Variants in TTC1 observed in about 807,000 individuals in gnomAD.
TTC1 encodes the protein tetratricopeptide repeat protein 1.
In TTC1, 31 loss-of-function variants were observed where a neutral mutation model predicts 37.6. That is an observed-to-expected ratio of 0.82 (90% CI 0.62 to 1.11). The LOEUF is 1.11. Ranked by LOEUF, TTC1 falls within the 50% of genes most tolerant of loss-of-function variation. The probability of loss-of-function intolerance (pLI) is 0.00; values close to 1 mark genes in which losing one functional copy is unlikely to be tolerated. For missense variants in TTC1, 351 were observed against 339.0 expected (o/e 1.04, Z -0.28); for synonymous variants, 127 against 122.4 (o/e 1.04, Z -0.25).
At chr5:160,013,156 G>C (rs1052479258) in intron 2 of TTC1, among the ~76,000 whole-genome samples, 5 of 152,158 alleles carry the variant, frequency 3.3e-5, no homozygotes, top group African/African-American at 1.2e-4. Flanking sequence ...GTAAGCCACT[G>C]ACTCTACTTT....
At chr5:160,010,156 G>A (rs1301982676) in intron 1 of TTC1, among the ~76,000 whole-genome samples, 1 of 151,754 alleles carries the variant, frequency 6.6e-6, no homozygotes, top group Non-Finnish European at 1.5e-5. Flanking sequence ...TACTCGGGAG[G>A]CTGAGGCAGG....
In TTC1 at chr5:160,058,473, C is replaced by T. The variant is rs376182788; in HGVS notation, c.746-6459C>T. Among the ~76,000 whole-genome samples, 21 of 144,098 alleles carry T rather than the reference C, an allele frequency of 1.5e-4. No homozygotes were observed. The South Asian group carries it at 2.6e-3, about 18-fold the overall frequency. The allele number at this position is 144,098 out of a possible 152,430, so 94.5% of individuals were successfully genotyped here. ...TCGCCCAGGCTGGAGTGCAGTGGTGCGATCTCGGCTCAGTGCAAGCTCCGC... is the reference window on the plus strand; with the variant it reads ...TCGCCCAGGCTGGAGTGCAGTGGTGTGATCTCGGCTCAGTGCAAGCTCCGC... On this transcript the variant is annotated intron_variant, in intron 7 of 7. Transcript: ENST00000231238.
chr5:160,011,187 G>C (rs73307364), intron 2 of TTC1, among the ~76,000 whole-genome samples: 2 of 151,896 alleles, frequency 1.3e-5, no homozygotes, highest in Non-Finnish European at 2.9e-5. Flanking sequence ...ACTTTTCTAC[G>C]GTTGGCTGCT....
At position 160,010,712 on chromosome 5, in the gene TTC1, T is replaced by C; in HGVS notation, c.184T>C (p.Cys62Arg). 1 of 1,613,034 alleles carries C rather than the reference T, an allele frequency of 6.2e-7. No individual in the cohort carries two copies. The highest frequency in any genetic ancestry group is 8.5e-7 in the Non-Finnish European group (1 of 1,179,654). ...CCAGGAGGACCAGGGAGAAGAGGAG[T>C]GTTTTCATGACTGCAGTGCCTCATT... ...HLQEDQGEEECFHDCSASFEE... is the reference protein window; with the variant it reads ...HLQEDQGEEERFHDCSASFEE... Residue 62 changes from cysteine to arginine, a missense_variant, in exon 2 of 8, where the codon TGT (cysteine) becomes CGT (arginine). Coordinates refer to ENST00000231238, the MANE Select transcript of TTC1 (RefSeq NM_003314.3).
chr5:160,051,084 T>A, intron 6 of TTC1, 45 bp from the exon 7 acceptor site: 2 of 375,562 alleles, frequency 5.3e-6, no homozygotes, highest in Admixed American at 4.0e-4. Context: ...AGGTTTTGGT[T>A]TTTTTTTTTT....
chr5:160,061,361 G>A lies in TTC1; in HGVS notation c.746-3571G>A, dbSNP rs961348046. On this transcript the variant is annotated intron_variant, in intron 7 of 7. Transcript: ENST00000231238. ...AATCTTCCCCTTCCTGACTCTCGTAGCATTTTATAACTCAGCTACATATGA... is the reference window on the plus strand; with the variant it reads ...AATCTTCCCCTTCCTGACTCTCGTAACATTTTATAACTCAGCTACATATGA... 4.6e-5 allele frequency among the ~76,000 whole-genome samples: 7 copies of A among 152,178 alleles called. No homozygotes were observed. The East Asian group carries it at 1.3e-3, about 29-fold the overall frequency.
At position 160,048,126 on chromosome 5, in the gene TTC1, C is replaced by CTTTTTTTT. The variant is rs56201199; in HGVS notation, c.542-1359_542-1352dup. ...AAAAAGTTCTAGAGCCAAGACATTG[C>CTTTTTTTT]TTTTTTTTTTTTTTTTTTTTTTTTT... is the stretch of plus-strand genomic sequence containing the variant. On this transcript the variant is annotated intron_variant, in intron 5 of 7. Coordinates refer to ENST00000231238, the MANE Select transcript of TTC1 (RefSeq NM_003314.3). 1.4e-4 allele frequency among the ~76,000 whole-genome samples: 5 copies of CTTTTTTTT among 35,568 alleles called. 1 individual carries two copies. Among genetic ancestry groups the CTTTTTTTT allele is most frequent in the African/African-American group, 3.7e-4 (3 of 8,210 alleles). 23.3% of individuals were successfully genotyped at this position (35,568 alleles called of 152,430 possible). A position where few individuals can be genotyped will look rare whatever the true frequency, so the allele number is the denominator to read the frequency against.
intron 2 of TTC1, among the ~76,000 whole-genome samples, chr5:160,028,358 C>T (rs1391298495): frequency 2.7e-5 from 4 of 148,986 alleles, no homozygotes; most frequent in Non-Finnish European, 4.5e-5. Context: ...TTCTGTTCTT[C>T]TCTTTCTTCC....
Position 160,051,157 on chromosome 5 carries a change from A to T in TTC1, c.719A>T (p.Asn240Ile). 1 of 1,610,296 alleles carries T rather than the reference A, an allele frequency of 6.2e-7. No homozygotes were observed. The highest frequency in any genetic ancestry group is 8.5e-7 in the Non-Finnish European group (1 of 1,178,166). The change falls in exon 7 of 8, where the codon AAT (asparagine) becomes ATT (isoleucine). Residue 240 changes from asparagine (N) to isoleucine (I), a missense_variant. Physicochemically the swap from Asn to Ile is moderately radical, Grantham distance 149 (BLOSUM62 -3). Coordinates refer to ENST00000231238, the MANE Select transcript of TTC1 (RefSeq NM_003314.3). Reference sequence around the variant, plus strand: ...TTACCTAAGCAAATTGAAGAACGTAATGAAAGACTAAAAGAAGAGATGTTA... The same window carrying T: ...TTACCTAAGCAAATTGAAGAACGTATTGAAAGACTAAAAGAAGAGATGTTA... ...MRLPKQIEER[N>I]ERLKEEMLGK...
chr5:160,034,560 G>A (rs894043284), intron 2 of TTC1, among the ~76,000 whole-genome samples: 2 of 151,974 alleles, frequency 1.3e-5, no homozygotes, highest in Non-Finnish European at 2.9e-5. Flanking sequence ...GTTCTTATAA[G>A]GATTAAAGTA....
chr5:160,036,697 T>C lies in TTC1; in HGVS notation c.398T>C (p.Ile133Thr), dbSNP rs753411601. ...GNEQFKKGDY[I>T]EAESSYSRAL... ...TCCTTTCTCTTATCCTCAGATTATA[T>C]AGAAGCTGAAAGTTCTTATAGTCGA... Residue 133 changes from isoleucine (I) to threonine (T), a missense_variant, in exon 4 of 8, where the codon ATA becomes ACA. Transcript: ENST00000231238. 12 of 1,609,206 alleles carry C rather than the reference T, an allele frequency of 7.5e-6. No individual in the cohort carries two copies. The highest frequency in any genetic ancestry group is 1.3e-5 in the African/African-American group (1 of 74,830).
chr5:160,064,978 C>G lies in TTC1; in HGVS notation c.792C>G (p.Leu264=). The G allele has an allele frequency of 6.2e-7, 1 of 1,613,986 alleles. No homozygotes were observed. Among genetic ancestry groups the G allele is most frequent in the Non-Finnish European group, 8.5e-7 (1 of 1,180,016 alleles). Residue 264 remains leucine (L), a synonymous_variant, in exon 8 of 8, where the codon CTC becomes CTG. Coordinates refer to ENST00000231238, the MANE Select transcript of TTC1 (RefSeq NM_003314.3). ...LGNLVLRPFG[L]STENFQIKQD... The stretch of plus-strand genomic sequence containing the variant: ...ACTTGGTTCTCCGACCTTTTGGGCT[C>G]TCCACGGAAAATTTCCAGATCAAAC...
intron 4 of TTC1, among the ~76,000 whole-genome samples, chr5:160,037,143 T>G (rs528081828): frequency 6.6e-6 from 1 of 152,248 alleles, no homozygotes; most frequent in African/African-American, 2.4e-5. Flanking sequence ...GAATTCTAGA[T>G]AAACATGCAA....
At chr5:160,045,509 CACACATACACACTCT>C (rs1757204735) in intron 5 of TTC1, among the ~76,000 whole-genome samples, 1 of 76,092 alleles carries the variant, frequency 1.3e-5, no homozygotes. Context: ...CACACACACA[CACACATACACACTCT>C]CTCTCTCTCT....
At chr5:160,055,948 G>A (rs1275204689) in intron 7 of TTC1, among the ~76,000 whole-genome samples, 1 of 152,204 alleles carries the variant, frequency 6.6e-6, no homozygotes, top group African/African-American at 2.4e-5. Context: ...GTTGCCACTG[G>A]AGGAATAGAG....
intron 7 of TTC1, among the ~76,000 whole-genome samples, chr5:160,055,847 C>G (rs1323420861): frequency 1.3e-5 from 2 of 152,248 alleles, no homozygotes; most frequent in Non-Finnish European, 2.9e-5. Flanking sequence ...TGTGTTGTAG[C>G]TGCAGCAGAG....
chr5:160,023,745 T>G lies in TTC1; in HGVS notation c.331-11395T>G, dbSNP rs73309339. On this transcript the variant is annotated intron_variant, in intron 2 of 7. Transcript: ENST00000231238. Reference sequence around the variant, plus strand: ...ACTCCTATGTGCTTCTTCTTGTGCTTCTTCTTTTTCTTCTTCTTTGCTGCC... The same window carrying G: ...ACTCCTATGTGCTTCTTCTTGTGCTGCTTCTTTTTCTTCTTCTTTGCTGCC... 1,550 of 1,612,024 alleles carry G rather than the reference T, an allele frequency of 9.6e-4. 12 individuals carry two copies. In the African/African-American group the frequency reaches 0.018, roughly 19 times the overall value.
intron 2 of TTC1, among the ~76,000 whole-genome samples, chr5:160,021,955 G>A (rs1442335818): frequency 6.6e-6 from 1 of 152,086 alleles, no homozygotes; most frequent in African/African-American, 2.4e-5. Flanking sequence ...TGATCCCTGG[G>A]TACTGTGCTT....
intron 6 of TTC1, among the ~76,000 whole-genome samples, chr5:160,050,454 CAAA>C (rs1254985740): frequency 3.3e-5 from 5 of 151,926 alleles, no homozygotes; most frequent in Middle Eastern, 3.4e-3. Flanking sequence ...CTTAAAAAAA[CAAA>C]AAATACAAAT....
Sources: gnomAD v4.1 joint callset for allele counts (sites outside exome capture counted in the v4.1 genomes callset) on GRCh38, gnomAD v4.1.1 for gene constraint, MANE v1.5 for transcripts, NCBI Gene and HGNC (gene_info 2026-07-23, HGNC 2026-07-21) for gene names.